Variants in TSGA10 observed in about 807,000 individuals in gnomAD.
The protein encoded by TSGA10 is testis-specific gene 10 protein.
Under a neutral mutation model 96.6 loss-of-function variants are expected in TSGA10, and 43 were observed. That is an observed-to-expected ratio of 0.44 (90% CI 0.35 to 0.57). The LOEUF (loss-of-function observed/expected upper bound fraction) is 0.57, where lower values mean the gene tolerates loss of function less well. Ranked by LOEUF, TSGA10 falls within the 20% of genes least tolerant of loss-of-function variation. TSGA10 has a pLI of 0.01. For missense variants in TSGA10, 703 were observed against 834.4 expected, an observed-to-expected ratio of 0.84 and a Z score of 1.94; for synonymous variants, 229 against 269.9, an observed-to-expected ratio of 0.85 and a Z score of 1.48.
intron 2 of TSGA10, among the ~76,000 whole-genome samples, chr2:99,123,248 T>C (rs1015195973): frequency 6.6e-6 from 1 of 152,218 alleles, no homozygotes; most frequent in African/African-American, 2.4e-5. Flanking sequence ...CATCACCTTC[T>C]TTCATCTGTT....
At chr2:99,149,086 A>C (rs2093661476) in intron 1 of TSGA10, among the ~76,000 whole-genome samples, 1 of 150,398 alleles carries the variant, frequency 6.6e-6, no homozygotes, top group African/African-American at 2.4e-5. Flanking sequence ...CAGGAAAATC[A>C]CTTTAACCTG....
intron 20 of TSGA10, among the ~76,000 whole-genome samples, chr2:99,017,657 T>C (rs1035226846): frequency 6.7e-6 from 1 of 149,414 alleles, no homozygotes; most frequent in East Asian, 2.0e-4. Context: ...CCCAGCTACT[T>C]GGGAGGCTGA....
chr2:99,065,598 T>C (rs2085179732), intron 15 of TSGA10, among the ~76,000 whole-genome samples: 1 of 152,226 alleles, frequency 6.6e-6, no homozygotes, highest in South Asian at 2.1e-4. Flanking sequence ...CAGCTTCTGA[T>C]AATTTCCTGT....
chr2:99,103,872 G>C, intron 10 of TSGA10, 95 bp downstream of exon 10: 1 of 1,415,332 alleles, frequency 7.1e-7, no homozygotes, highest in Non-Finnish European at 9.5e-7. Context: ...CTCAGAAACT[G>C]AACTCAACAA....
At chr2:99,149,175 A>AT (rs1196209670) in intron 1 of TSGA10, among the ~76,000 whole-genome samples, 3 of 151,096 alleles carry the variant, frequency 2.0e-5, no homozygotes, top group East Asian at 3.9e-4. Flanking sequence ...ATCTCAAAAA[A>AT]AAAAAAAAAA....
At chr2:99,009,888 G>A (rs2078858555) in intron 20 of TSGA10, among the ~76,000 whole-genome samples, 1 of 152,296 alleles carries the variant, frequency 6.6e-6, no homozygotes, top group East Asian at 1.9e-4. Flanking sequence ...GTGAGCACAT[G>A]AGCCACCACA....
intron 1 of TSGA10, among the ~76,000 whole-genome samples, chr2:99,149,319 C>T (rs2093664927): frequency 6.6e-6 from 1 of 152,100 alleles, no homozygotes; most frequent in African/African-American, 2.4e-5. Flanking sequence ...GAAGCCTGTC[C>T]CTTCTGCCAT....
rs187237573 is a variant in TSGA10 at position 99,004,268 on chromosome 2, T to C, written c.2073-6047A>G. ...ACCAGGAAGAAGTTGAATCTCTGAA[T>C]AGACCAATAACAGGCTCTGAAATTG... On this transcript the variant is annotated intron_variant, in intron 20 of 20. Transcript: ENST00000393483. 7.7e-3 allele frequency among the ~76,000 whole-genome samples: 1,177 copies of C among 152,194 alleles called. 10 individuals are homozygous for C. Among genetic ancestry groups the C allele is most frequent in the Non-Finnish European group, 0.012 (825 of 68,010 alleles).
chr2:99,135,949 CA>C (rs1388659651), intron 1 of TSGA10, among the ~76,000 whole-genome samples: 1 of 146,472 alleles, frequency 6.8e-6, no homozygotes, highest in African/African-American at 2.5e-5. Flanking sequence ...GTGGAGGTTG[CA>C]GTGAGCCAAG....
At chr2:99,153,963 T>C (rs567633041) in intron 1 of TSGA10, among the ~76,000 whole-genome samples, 1 of 152,368 alleles carries the variant, frequency 6.6e-6, no homozygotes, top group Non-Finnish European at 1.5e-5. Context: ...ACAAATTCTT[T>C]GGGCTTCTTT....
At chr2:99,143,133 C>CTTTTT (rs10605521) in intron 1 of TSGA10, among the ~76,000 whole-genome samples, 1 of 82,152 alleles carries the variant, frequency 1.2e-5, no homozygotes, top group Non-Finnish European at 2.3e-5. Flanking sequence ...CCAACTAAAC[C>CTTTTT]TTTTTTTTTT....
In TSGA10 at chr2:99,078,800, C is replaced by G. The variant is rs751578709; in HGVS notation, c.741G>C (p.Arg247Ser). The change falls in exon 12 of 21, where the codon AGG (arginine) becomes AGC (serine). Residue 247 changes from arginine (R) to serine (S), a missense_variant. By Grantham distance (110) the Arg-to-Ser change is moderately radical. Transcript: ENST00000393483. ...CLDEKIDNFT[R>S]QNIAQREEIS... ...TTTCTTCTCGCTGTGCAATATTTTG[C>G]CTTGTAAAGTTATCTATGTATGCAA... The G allele has an allele frequency of 1.9e-6, 3 of 1,611,096 alleles. No homozygotes were observed. The highest frequency in any genetic ancestry group is 1.1e-5 in the South Asian group (1 of 90,676).
At chr2:99,026,549 A>G (rs929470473) in intron 17 of TSGA10, among the ~76,000 whole-genome samples, 1 of 151,790 alleles carries the variant, frequency 6.6e-6, no homozygotes, top group Non-Finnish European at 1.5e-5. Flanking sequence ...CCTCCCAAGT[A>G]GCTGCGACTA....
intron 1 of TSGA10, chr2:99,141,766 G>C (rs918712385): frequency 2.6e-5 from 4 of 152,790 alleles, no homozygotes; most frequent in Admixed American, 2.0e-4. Context: ...CGGTGGCTTT[G>C]TGCCACTTTT....
intron 1 of TSGA10, among the ~76,000 whole-genome samples, chr2:99,129,352 G>A (rs1424157549): frequency 6.6e-6 from 1 of 152,164 alleles, no homozygotes; most frequent in Non-Finnish European, 1.5e-5. Flanking sequence ...AATAAAAAGT[G>A]TCAAAAAATT....
At chr2:99,067,685 T>A (rs952386247) in intron 15 of TSGA10, among the ~76,000 whole-genome samples, 3 of 151,998 alleles carry the variant, frequency 2.0e-5, no homozygotes, top group Non-Finnish European at 4.4e-5. Flanking sequence ...AAACCCCGTC[T>A]CTACTAAAAA....
chr2:99,034,710 ATAAAGCTT>A (rs1191438558), intron 17 of TSGA10, among the ~76,000 whole-genome samples: 1 of 152,050 alleles, frequency 6.6e-6, no homozygotes, highest in Non-Finnish European at 1.5e-5. Context: ...AATTTCCTCT[ATAAAGCTT>A]TTAGTGTCTC....
Position 99,125,057 on chromosome 2 carries a change from TC to T in TSGA10, c.-492+1990del, listed in dbSNP as rs1200444052. ...CTGTGCTCCACCTATTCATCCCCTC[TC>T]CCTCCAATTCCTGGTAACTACTGCT... On this transcript the variant is annotated intron_variant, in intron 2 of 20. Coordinates refer to ENST00000393483, the MANE Select transcript of TSGA10 (RefSeq NM_025244.4). The T allele has an allele frequency of 5.3e-5, 8 of 152,312 alleles. No individual in the cohort carries two copies. In the East Asian group the frequency reaches 1.5e-3, roughly 29 times the overall value. The allele number at this position is 152,312 out of a possible 1,614,324, so 9.4% of individuals were successfully genotyped here.
At chr2:99,129,626 C>A (rs2092982090) in intron 1 of TSGA10, among the ~76,000 whole-genome samples, 1 of 152,196 alleles carries the variant, frequency 6.6e-6, no homozygotes, top group Admixed American at 6.5e-5. Context: ...GCCTGGTCTG[C>A]CAGCTTCCCT....
Sources: allele counts gnomAD v4.1 joint callset (sites outside exome capture counted in the v4.1 genomes callset), GRCh38; gene constraint gnomAD v4.1.1; transcripts MANE v1.5; gene names NCBI Gene and HGNC (gene_info 2026-07-23, HGNC 2026-07-21).